The following SLC2A3 variants were observed in gnomAD, a reference collection of about 807,000 sequenced individuals.
The protein encoded by SLC2A3 is solute carrier family 2 member 3, also known as solute carrier family 2, facilitated glucose transporter member 3.
A neutral mutation model predicts 46.4 loss-of-function variants in SLC2A3; 21 were observed. That is an observed-to-expected ratio of 0.45 (90% CI 0.32 to 0.65). The LOEUF is 0.65. Ranked by LOEUF, SLC2A3 falls within the 30% of genes least tolerant of loss-of-function variation. The pLI is 0.04. For synonymous variants in SLC2A3, 213 were observed against 239.4 expected, an observed-to-expected ratio of 0.89 and a Z score of 1.02; for missense variants, 499 against 623.3, an observed-to-expected ratio of 0.80 and a Z score of 2.12.
chr12:7,936,061 G>C lies in SLC2A3; in HGVS notation c.-27C>G, dbSNP rs1946209689. On this transcript the variant is annotated 5_prime_UTR_variant, in exon 1 of 10. Coordinates refer to ENST00000075120, the MANE Select transcript of SLC2A3 (RefSeq NM_006931.3). ...GCTGTAATCTAATTCAAGTCTTCAA[G>C]AAAGATCTAGGGGTGATTCCAGAAA... 6.3e-7 allele frequency: 1 copy of C among 1,596,682 alleles called. No individual in the cohort carries two copies. The highest frequency in any genetic ancestry group is 8.6e-7 in the Non-Finnish European group (1 of 1,164,352).
intron 6 of SLC2A3, among the ~76,000 whole-genome samples, chr12:7,927,485 T>A (rs1431605666): frequency 1.3e-5 from 2 of 152,164 alleles, no homozygotes; most frequent in Non-Finnish European, 2.9e-5. Flanking sequence ...TCATCTCACC[T>A]AAATAGTTTA....
chr12:7,935,966 T>C, intron 1 of SLC2A3, 54 bp downstream of exon 1: 2 of 1,433,042 alleles, frequency 1.4e-6, no homozygotes, highest in Non-Finnish European at 2.0e-6. Context: ...AATATTTGCC[T>C]TTCTGAGTGT....
At chr12:7,922,688 C>A (rs1946050439) in intron 9 of SLC2A3, 133 bp downstream of exon 9, 2 of 1,301,488 alleles carry the variant, frequency 1.5e-6, no homozygotes, top group Middle Eastern at 2.4e-4. Flanking sequence ...AGGTGATCCA[C>A]CCGCCTCAGC....
rs1383717590 is a variant in SLC2A3 at position 7,919,326 on chromosome 12, G to C, written c.*2087C>G. 6.6e-6 allele frequency: 1 copy of C among 152,224 alleles called. No individual in the cohort carries two copies. The highest frequency in any genetic ancestry group is 1.5e-5 in the Non-Finnish European group (1 of 68,016). The allele number at this position is 152,224 out of a possible 1,614,324, so 9.4% of individuals were successfully genotyped here. ...TCACAATCTTCTCAGTGAGAAATGG[G>C]ACCCTGCCTTACTGCCAACCTACTG... is the stretch of plus-strand genomic sequence containing the variant. On this transcript the variant is annotated 3_prime_UTR_variant, in exon 10 of 10. Transcript: ENST00000075120.
At chr12:7,923,613 CAA>C (rs58874969) in intron 8 of SLC2A3, among the ~76,000 whole-genome samples, 194 of 149,780 alleles carry the variant, frequency 1.3e-3, no homozygotes, top group African/African-American at 4.3e-3. Context: ...AACCCTGTCT[CAA>C]AAAAAAAATT....
chr12:7,934,089 GA>G (rs1338978221), intron 1 of SLC2A3, among the ~76,000 whole-genome samples, 187 bp from the exon 2 acceptor site: 2 of 152,102 alleles, frequency 1.3e-5, no homozygotes, highest in Admixed American at 1.3e-4. Context: ...CTTATCTGGA[GA>G]TAAGAATGTG....
chr12:7,933,658 G>A (rs755727729), intron 2 of SLC2A3, 152 bp downstream of exon 2: 24 of 749,464 alleles, frequency 3.2e-5, no homozygotes, highest in Non-Finnish European at 5.2e-5. Flanking sequence ...TTAACTCCTG[G>A]ACTCAAGTGA....
At chr12:7,933,175 A>G (rs1353260324) in intron 2 of SLC2A3, 28 bp from the exon 3 acceptor site, 1 of 1,609,934 alleles carries the variant, frequency 6.2e-7, no homozygotes, top group Non-Finnish European at 8.5e-7. Flanking sequence ...TGGTGGAAGA[A>G]CAGACTGTTA....
chr12:7,921,398 G>A lies in SLC2A3; in HGVS notation c.*15C>T, dbSNP rs202135221. 2.3e-4 allele frequency: 370 copies of A among 1,614,016 alleles called. 1 individual carries two copies. The Middle Eastern group carries it at 2.6e-3, about 12-fold the overall frequency. ...GGCTTTCCCATGCCGGGAGGGAGGT[G>A]GAAGGAGGCACGACTTAGACATTGG... On this transcript the variant is annotated 3_prime_UTR_variant, in exon 10 of 10. Transcript: ENST00000075120.
At chr12:7,932,903 C>CA in intron 3 of SLC2A3, 84 bp downstream of exon 3, 11 of 1,553,692 alleles carry the variant, frequency 7.1e-6, no homozygotes, top group Non-Finnish European at 9.6e-6. Context: ...TCAAAGGCAT[C>CA]ATCACCTCCC....
In SLC2A3 at chr12:7,921,597, G is replaced by A. The variant is rs756800713; in HGVS notation, c.1307C>T (p.Thr436Ile). Reference sequence around the variant, plus strand: ...AGCCAAGAAGGTAATGAGGAAGCCGGTGAAGATAATAAAAACGTAGGCTCC... The same window carrying A: ...AGCCAAGAAGGTAATGAGGAAGCCGATGAAGATAATAAAAACGTAGGCTCC... ...YLGAYVFIIF[T>I]GFLITFLAFT... is the part of the protein sequence containing the mutation. Residue 436 changes from threonine to isoleucine, a missense_variant, in exon 10 of 10, where the codon ACC becomes ATC. Transcript: ENST00000075120. 1 of 1,613,904 alleles carries A rather than the reference G, an allele frequency of 6.2e-7. No individual in the cohort carries two copies. Among genetic ancestry groups the A allele is most frequent in the Non-Finnish European group, 8.5e-7 (1 of 1,179,832 alleles).
At chr12:7,933,524 C>G in intron 2 of SLC2A3, 1 of 470,412 alleles carries the variant, frequency 2.1e-6, no homozygotes. Context: ...TTAGATGACC[C>G]CACTAATTTT....
Position 7,926,366 on chromosome 12 carries a change from C to T in SLC2A3, c.862-418G>A, listed in dbSNP as rs567991940. On this transcript the variant is annotated intron_variant, in intron 6 of 9. Coordinates refer to ENST00000075120, the MANE Select transcript of SLC2A3 (RefSeq NM_006931.3). ...TTGGCCTCCCAAAGTGCTAGGATTA[C>T]AGGCATGAGCCACCGCACCTGGCCC... Among the ~76,000 whole-genome samples the T allele has an allele frequency of 1.3e-5, 2 of 152,150 alleles. 1 individual carries two copies. Among genetic ancestry groups the T allele is most frequent in the African/African-American group, 4.8e-5 (2 of 41,444 alleles).
At position 7,921,577 on chromosome 12, in the gene SLC2A3, A is replaced by C. The variant is rs759587555; in HGVS notation, c.1327T>G (p.Leu443Val). 1.3e-6 allele frequency: 2 copies of C among 1,530,034 alleles called. No homozygotes were observed. The highest frequency in any genetic ancestry group is 2.7e-5 in the African/African-American group (2 of 74,190). 94.8% of individuals were successfully genotyped at this position (1,530,034 alleles called of 1,614,324 possible). ...GGGACTTTGAAGAAGGTAAAAGCCA[A>C]GAAGGTAATGAGGAAGCCGGTGAAG... The part of the protein sequence containing the change: ...IIFTGFLITF[L>V]AFTFFKVPET... Residue 443 changes from leucine to valine, a missense_variant, in exon 10 of 10, where the codon TTG becomes GTG. By Grantham distance (32) the Leu-to-Val change is conservative. This residue lies in a region of SLC2A3 where 179 missense variants were observed against 205.1 expected (regional missense o/e 0.87). Transcript: ENST00000075120.
At chr12:7,926,952 G>C (rs1946101534) in intron 6 of SLC2A3, among the ~76,000 whole-genome samples, 1 of 152,016 alleles carries the variant, frequency 6.6e-6, no homozygotes, top group Non-Finnish European at 1.5e-5. Context: ...TAAAATACTG[G>C]ACTCAGACCT....
At chr12:7,931,508 A>C in intron 3 of SLC2A3, 23 bp from the exon 4 acceptor site, 3 of 1,613,200 alleles carry the variant, frequency 1.9e-6, no homozygotes, top group African/African-American at 1.3e-5. Context: ...TCAAAGACAA[A>C]GTAGAATTAG....
chr12:7,922,207 T>G (rs138774672), intron 9 of SLC2A3, among the ~76,000 whole-genome samples: 113 of 151,942 alleles, frequency 7.4e-4, no homozygotes, highest in African/African-American at 2.4e-3. Flanking sequence ...GGGATTACAG[T>G]CATGAGCCAC....
intron 8 of SLC2A3, 37 bp from the exon 9 acceptor site, chr12:7,923,061 G>C: frequency 6.3e-7 from 1 of 1,576,286 alleles, no homozygotes; most frequent in Non-Finnish European, 8.6e-7. Context: ...TAAATTTAAA[G>C]ACAGTGTAAC....
intron 4 of SLC2A3, among the ~76,000 whole-genome samples, chr12:7,931,044 C>A (rs1592357627): frequency 6.6e-6 from 1 of 152,092 alleles, no homozygotes; most frequent in East Asian, 1.9e-4. Context: ...GATCTGCCCA[C>A]CTCGGCCTCC....
Sources: gnomAD v4.1 joint callset for allele counts (sites outside exome capture counted in the v4.1 genomes callset) on GRCh38, gnomAD v4.1.1 for gene constraint, gnomAD v4.1.1 regional missense constraint, MANE v1.5 for transcripts, NCBI Gene and HGNC (gene_info 2026-07-23, HGNC 2026-07-21) for gene names.